Variants in ANKFN1 observed in about 807,000 individuals in gnomAD.
ANKFN1 encodes ankyrin repeat and fibronectin type-III domain-containing protein 1.
In ANKFN1, 74 loss-of-function variants were observed where a neutral mutation model predicts 108.7. The observed-to-expected ratio is 0.68, with a 90% CI of 0.56 to 0.83. ANKFN1 has a LOEUF of 0.83. Ranked by LOEUF, ANKFN1 falls within the 40% of genes least tolerant of loss-of-function variation. The probability of loss-of-function intolerance (pLI) is 0.00; values close to 1 mark genes in which losing one functional copy is unlikely to be tolerated. For missense variants in ANKFN1, 1,505 were observed against 1,382.3 expected (o/e 1.09, Z -1.41); for synonymous variants, 547 against 516.2 (o/e 1.06, Z -0.81).
rs1166296736 is a variant in ANKFN1 at position 56,075,443 on chromosome 17, C to G, written c.288+29118C>G. Among the ~76,000 whole-genome samples, 6 of 152,126 alleles carry G rather than the reference C, an allele frequency of 3.9e-5. No individual in the cohort carries two copies. In the East Asian group the frequency reaches 1.2e-3, roughly 29 times the overall value. Reference sequence around the variant, plus strand: ...TTAGAAAATCTGTTCTCAGCATCTCCTCAAGTTTGGCTCTTTTTCTCCATA... The same window carrying G: ...TTAGAAAATCTGTTCTCAGCATCTCGTCAAGTTTGGCTCTTTTTCTCCATA... On this transcript the variant is annotated intron_variant, in intron 4 of 12. Coordinates refer to the ANKFN1 transcript ENST00000635860.
At chr17:56,208,806 G>A (rs1479040995) in intron 1 of ANKFN1, among the ~76,000 whole-genome samples, 1 of 152,066 alleles carries the variant, frequency 6.6e-6, no homozygotes, top group African/African-American at 2.4e-5. Flanking sequence ...AATCTTTCGG[G>A]ACAGAGGTCT....
At chr17:56,228,428 C>T (rs1916451361) in intron 3 of ANKFN1, 1 of 154,352 alleles carries the variant, frequency 6.5e-6, no homozygotes, top group African/African-American at 2.4e-5. Context: ...CTCTCCAGAA[C>T]TAATCTCCTG....
chr17:56,323,764 T>A (rs1439291899), intron 3 of ANKFN1, among the ~76,000 whole-genome samples: 1 of 152,200 alleles, frequency 6.6e-6, no homozygotes, highest in Non-Finnish European at 1.5e-5. Context: ...CAAATATTTA[T>A]TGAATGCCTT....
At chr17:56,456,069 A>G (rs574325880) in intron 11 of ANKFN1, among the ~76,000 whole-genome samples, 1 of 152,096 alleles carries the variant, frequency 6.6e-6, no homozygotes, top group Non-Finnish European at 1.5e-5. Context: ...TTTTTTTTCT[A>G]TTCTCCAGAC....
At chr17:56,490,538 G>A (rs996326285) in intron 18 of ANKFN1, among the ~76,000 whole-genome samples, 4 of 152,156 alleles carry the variant, frequency 2.6e-5, no homozygotes, top group African/African-American at 2.4e-5. Context: ...CTAGATCACA[G>A]GGAGTTTTCC....
upstream of ANKFN1, among the ~76,000 whole-genome samples, chr17:56,150,883 GAGAA>G (rs774180693): frequency 3.2e-4 from 48 of 152,134 alleles, no homozygotes; most frequent in Non-Finnish European, 5.7e-4. Context: ...GAAAGTGCAA[GAGAA>G]AGAATGTGAT....
chr17:56,384,046 T>C (rs1435959760), intron 8 of ANKFN1, among the ~76,000 whole-genome samples: 3 of 152,116 alleles, frequency 2.0e-5, no homozygotes, highest in African/African-American at 7.2e-5. Context: ...TTTAGACCAA[T>C]ATCCTTGATG....
In ANKFN1 at chr17:56,225,200, G is replaced by T. The variant is rs1165510422; in HGVS notation, c.13-2717G>T. 2.0e-4 allele frequency among the ~76,000 whole-genome samples: 30 copies of T among 152,200 alleles called. 1 individual carries two copies. On this transcript the variant is annotated intron_variant, in intron 2 of 20. Transcript: ENST00000682825. The stretch of plus-strand genomic sequence containing the variant: ...GTCTTGCACTCAGTGATGTTCCCTT[G>T]CTTGGTCTGCTCCACATTCCCCATC...
At chr17:56,175,801 T>C (rs1231348182) in intron 1 of ANKFN1, among the ~76,000 whole-genome samples, 1 of 152,132 alleles carries the variant, frequency 6.6e-6, no homozygotes, top group African/African-American at 2.4e-5. Context: ...CCAGCCTTTC[T>C]TTATGCCAAC....
chr17:56,058,127 T>G (rs1904912818), intron 4 of ANKFN1, among the ~76,000 whole-genome samples: 1 of 152,238 alleles, frequency 6.6e-6, no homozygotes, highest in African/African-American at 2.4e-5. Context: ...GTATTTGGAA[T>G]GGTAAATGAA....
At chr17:56,503,528 T>TATATAG (rs2051450944) in intron 20 of ANKFN1, among the ~76,000 whole-genome samples, 1 of 121,450 alleles carries the variant, frequency 8.2e-6, no homozygotes, top group African/African-American at 2.9e-5. Context: ...TATATATATA[T>TATATAG]AGACAGTGGT....
intron 4 of ANKFN1, among the ~76,000 whole-genome samples, chr17:56,083,307 C>A (rs1383343980): frequency 6.6e-6 from 1 of 151,386 alleles, no homozygotes; most frequent in Non-Finnish European, 1.5e-5. Context: ...CATTTTCCTT[C>A]CAATGTATTT....
chr17:56,271,640 C>T, intron 3 of ANKFN1, among the ~76,000 whole-genome samples: 1 of 152,120 alleles, frequency 6.6e-6, no homozygotes, highest in Admixed American at 6.5e-5. Context: ...GTGAGGGTGA[C>T]CAGGAAGGGC....
At chr17:56,444,090 C>T (rs1283366608) in intron 10 of ANKFN1, among the ~76,000 whole-genome samples, 4 of 152,008 alleles carry the variant, frequency 2.6e-5, no homozygotes, top group South Asian at 2.1e-4. Context: ...TAAAATGAAG[C>T]GTCATGTGTG....
chr17:56,491,380 C>A (rs984525335), intron 18 of ANKFN1, among the ~76,000 whole-genome samples: 3 of 152,094 alleles, frequency 2.0e-5, no homozygotes, highest in Admixed American at 2.0e-4. Flanking sequence ...CTACTAGAAT[C>A]CAAAGTTACG....
intron 4 of ANKFN1, among the ~76,000 whole-genome samples, chr17:56,048,799 G>A (rs546381958): frequency 4.6e-5 from 7 of 152,304 alleles, no homozygotes; most frequent in African/African-American, 1.7e-4. Flanking sequence ...CTCAATCCTG[G>A]CAGATGCCTT....
At chr17:56,124,253 G>C (rs1358495526) in intron 4 of ANKFN1, among the ~76,000 whole-genome samples, 1 of 152,166 alleles carries the variant, frequency 6.6e-6, no homozygotes, top group Non-Finnish European at 1.5e-5. Context: ...CTAATATAAT[G>C]TGTGTGAATT....
At chr17:56,060,246 T>TA (rs1349047235) in intron 4 of ANKFN1, among the ~76,000 whole-genome samples, 1 of 152,202 alleles carries the variant, frequency 6.6e-6, no homozygotes, top group Non-Finnish European at 1.5e-5. Context: ...ATTTTTGGTG[T>TA]AAAGGAACAC....
intron 2 of ANKFN1, among the ~76,000 whole-genome samples, chr17:56,218,973 A>G (rs2143851253): frequency 6.6e-6 from 1 of 152,304 alleles, no homozygotes; most frequent in African/African-American, 2.4e-5. Context: ...CCCCAGGCAT[A>G]GGTCTATTAC....
Sources: allele counts gnomAD v4.1 joint callset (sites outside exome capture counted in the v4.1 genomes callset), GRCh38; gene constraint gnomAD v4.1.1; transcripts MANE v1.5; gene names NCBI Gene and HGNC (gene_info 2026-07-23, HGNC 2026-07-21).